GRM7: variants seen among roughly 807,000 people sequenced by gnomAD.
GRM7 encodes glutamate metabotropic receptor 7.
In GRM7, 35 loss-of-function variants were observed where a neutral mutation model predicts 84.5. The observed-to-expected ratio is 0.41, with a 90% CI of 0.32 to 0.55. The LOEUF (loss-of-function observed/expected upper bound fraction) is 0.55. GRM7 is among the 20% of genes least tolerant of loss of function. The pLI, the probability that GRM7 is intolerant of heterozygous loss-of-function variation, is 0.19. For missense variants in GRM7, 1,003 were observed against 1,194.6 expected (o/e 0.84, Z 2.36); for synonymous variants, 487 against 455.1 (o/e 1.07, Z -0.89).
intron 7 of GRM7, among the ~76,000 whole-genome samples, chr3:7,576,101 G>A (rs181256229): frequency 3.9e-5 from 6 of 152,278 alleles, no homozygotes; most frequent in African/African-American, 1.2e-4. Context: ...TTTCCTGGTA[G>A]CCATGAGTAA....
intron 1 of GRM7, among the ~76,000 whole-genome samples, chr3:7,002,822 G>A (rs1695061008): frequency 6.6e-6 from 1 of 151,934 alleles, no homozygotes; most frequent in Non-Finnish European, 1.5e-5. Flanking sequence ...TAATAGCCAA[G>A]GTATAGAATT....
intron 1 of GRM7, among the ~76,000 whole-genome samples, chr3:7,099,412 T>C (rs1309314006): frequency 1.4e-5 from 2 of 147,920 alleles, no homozygotes; most frequent in Admixed American, 1.4e-4. Flanking sequence ...ACATAATACA[T>C]ATTATGCATG....
chr3:7,283,818 C>T (rs1699336016), intron 2 of GRM7, among the ~76,000 whole-genome samples: 2 of 152,110 alleles, frequency 1.3e-5, no homozygotes, highest in Admixed American at 1.3e-4. Context: ...ATACATAAAA[C>T]ACTTAAGCAG....
intron 8 of GRM7, among the ~76,000 whole-genome samples, chr3:7,627,370 TC>T (rs1275216695): frequency 2.0e-5 from 3 of 152,182 alleles, no homozygotes; most frequent in Admixed American, 2.0e-4. Context: ...AGAGATCATG[TC>T]CCCTGTTTCA....
intron 4 of GRM7, among the ~76,000 whole-genome samples, chr3:7,390,269 T>C (rs1467332010): frequency 6.6e-6 from 1 of 152,184 alleles, no homozygotes; most frequent in Non-Finnish European, 1.5e-5. Context: ...GACCATTTTC[T>C]CCAGCTGCTT....
chr3:7,702,071 A>C (rs1701247086), intron 9 of GRM7, among the ~76,000 whole-genome samples: 1 of 152,242 alleles, frequency 6.6e-6, no homozygotes, highest in African/African-American at 2.4e-5. Context: ...TCTTCTTCCT[A>C]CTTTCCTTCT....
intron 7 of GRM7, among the ~76,000 whole-genome samples, chr3:7,487,418 A>G (rs1337485715): frequency 6.6e-6 from 1 of 152,180 alleles, no homozygotes; most frequent in Non-Finnish European, 1.5e-5. Context: ...GTTGTGCATC[A>G]GGACAATGGG....
At chr3:7,369,530 G>T (rs1694047155) in intron 4 of GRM7, among the ~76,000 whole-genome samples, 1 of 152,024 alleles carries the variant, frequency 6.6e-6, no homozygotes, top group Non-Finnish European at 1.5e-5. Flanking sequence ...ACTTTTAGCT[G>T]GTTAGACATG....
chr3:6,928,009 C>T lies in GRM7; in HGVS notation c.519+66102C>T, dbSNP rs1259583159. On this transcript the variant is annotated intron_variant, in intron 1 of 9. Transcript: ENST00000357716. This position sits in a 1 kb window ranked among gnomAD's most constrained non-coding sequence, Gnocchi z 4.5. ...CACTAGGTCGCAAATCCACTTGTAACTCACATAGGCAATTTTTCAGAAATC... is the reference window on the plus strand; with the variant it reads ...CACTAGGTCGCAAATCCACTTGTAATTCACATAGGCAATTTTTCAGAAATC... Among the ~76,000 whole-genome samples, 1 of 152,156 alleles carries T rather than the reference C, an allele frequency of 6.6e-6. No homozygotes were observed. Among genetic ancestry groups the T allele is most frequent in the African/African-American group, 2.4e-5 (1 of 41,444 alleles).
intron 1 of GRM7, among the ~76,000 whole-genome samples, chr3:7,008,894 C>A (rs1379176447): frequency 6.6e-6 from 1 of 152,178 alleles, no homozygotes; most frequent in Non-Finnish European, 1.5e-5. Context: ...AAACACTCCA[C>A]TCCTGTCAAA....
At chr3:7,554,966 G>A (rs1210590336) in intron 7 of GRM7, among the ~76,000 whole-genome samples, 1 of 152,162 alleles carries the variant, frequency 6.6e-6, no homozygotes, top group Non-Finnish European at 1.5e-5. Context: ...ATCTCTTAGG[G>A]TGGTCAGAAA....
At chr3:7,661,915 GTATT>G (rs1358159238) in intron 8 of GRM7, among the ~76,000 whole-genome samples, 1 of 147,666 alleles carries the variant, frequency 6.8e-6, no homozygotes, top group Non-Finnish European at 1.5e-5. Flanking sequence ...CCTCTCCAAA[GTATT>G]TATCCCCCCC....
At chr3:7,043,100 C>A (rs564957445) in intron 1 of GRM7, among the ~76,000 whole-genome samples, 1 of 152,196 alleles carries the variant, frequency 6.6e-6, no homozygotes, top group Non-Finnish European at 1.5e-5. Flanking sequence ...ACTTCGGCTA[C>A]TGCTAACGGG....
intron 1 of GRM7, among the ~76,000 whole-genome samples, chr3:7,008,125 T>A (rs1313765011): frequency 2.0e-5 from 3 of 146,728 alleles, no homozygotes; most frequent in Non-Finnish European, 3.0e-5. Context: ...GTTTTTTTTT[T>A]AGTGTATTCC....
chr3:7,657,303 T>C (rs1005605203), intron 8 of GRM7, among the ~76,000 whole-genome samples: 1 of 152,292 alleles, frequency 6.6e-6, no homozygotes, highest in African/African-American at 2.4e-5. Flanking sequence ...ATTATTTGAG[T>C]CATGCCTGTC....
chr3:7,492,598 T>C (rs1371202641), intron 7 of GRM7, among the ~76,000 whole-genome samples: 1 of 152,150 alleles, frequency 6.6e-6, no homozygotes, highest in East Asian at 1.9e-4. Context: ...GTCTTTTCTA[T>C]ATGAGTTTTG....
intron 8 of GRM7, among the ~76,000 whole-genome samples, chr3:7,652,657 A>G (rs970015856): frequency 6.6e-6 from 1 of 152,224 alleles, no homozygotes; most frequent in African/African-American, 2.4e-5. Flanking sequence ...GCTCTTTTGC[A>G]GGAATACGCT....
chr3:7,598,990 A>C (rs1340397917), intron 8 of GRM7, among the ~76,000 whole-genome samples: 1 of 152,164 alleles, frequency 6.6e-6, no homozygotes, highest in Non-Finnish European at 1.5e-5. Flanking sequence ...AATCTCCATA[A>C]ATTCCTCTTG....
chr3:6,910,049 C>T (rs1179752822), intron 1 of GRM7, among the ~76,000 whole-genome samples: 1 of 151,980 alleles, frequency 6.6e-6, no homozygotes, highest in Non-Finnish European at 1.5e-5. Context: ...ATGATGTCAG[C>T]TTCCTCATTG....
Sources: gnomAD v4.1 joint callset for allele counts (sites outside exome capture counted in the v4.1 genomes callset) on GRCh38, gnomAD v4.1.1 for gene constraint, Gnocchi (gnomAD v3.1) non-coding constraint, MANE v1.5 for transcripts, NCBI Gene and HGNC (gene_info 2026-07-23, HGNC 2026-07-21) for gene names.